The following EIPR1 variants were observed in gnomAD, a reference collection of about 807,000 sequenced individuals.
EIPR1 encodes EARP complex and GARP complex interacting protein 1, also known as EARP and GARP complex-interacting protein 1.
EIPR1 carries 25 observed loss-of-function variants against 48.1 expected under a neutral mutation model. The observed-to-expected ratio is 0.52, with a 90% CI of 0.38 to 0.73. The LOEUF is 0.73. EIPR1 is among the 30% of genes least tolerant of loss of function. EIPR1 has a pLI of 0.00. For synonymous variants in EIPR1, 204 were observed against 201.9 expected, an observed-to-expected ratio of 1.01 and a Z score of -0.09; for missense variants, 415 against 506.2, an observed-to-expected ratio of 0.82 and a Z score of 1.73.
intron 3 of EIPR1, among the ~76,000 whole-genome samples, chr2:3,265,044 GAA>G (rs1667444714): frequency 6.6e-6 from 1 of 152,256 alleles, no homozygotes; most frequent in Non-Finnish European, 1.5e-5. Context: ...TCTAGTGTAT[GAA>G]AAATTTACAT....
At chr2:3,241,062 T>C (rs181768141) in intron 4 of EIPR1, among the ~76,000 whole-genome samples, 2 of 73,062 alleles carry the variant, frequency 2.7e-5, no homozygotes. Flanking sequence ...CAGCAGATCC[T>C]TCCTAAAGAA....
chr2:3,298,091 T>A (rs758033403), intron 3 of EIPR1, among the ~76,000 whole-genome samples: 6 of 152,234 alleles, frequency 3.9e-5, no homozygotes, highest in African/African-American at 7.2e-5. Context: ...CAGTTGGGAC[T>A]CATGGATAAT....
Position 3,347,859 on chromosome 2 carries a change from T to C in EIPR1, c.126+6691A>G, listed in dbSNP as rs561370086. On this transcript the variant is annotated intron_variant, in intron 2 of 8. Coordinates refer to ENST00000382125, the MANE Select transcript of EIPR1 (RefSeq NM_003310.5). ...CAGGCTGGAGCCTCTGGATCAGGCC[T>C]CATCGAAAGGAAGCCAGGCTACCCT... 2.6e-5 allele frequency among the ~76,000 whole-genome samples: 4 copies of C among 152,302 alleles called. No individual in the cohort carries two copies. In the South Asian group the frequency reaches 8.3e-4, roughly 32 times the overall value.
At chr2:3,298,174 G>T (rs1238599071) in intron 3 of EIPR1, among the ~76,000 whole-genome samples, 2 of 152,130 alleles carry the variant, frequency 1.3e-5, no homozygotes, top group Non-Finnish European at 2.9e-5. Flanking sequence ...GCAGAGAAAG[G>T]CTTGAGATTC....
chr2:3,336,954 A>AGAAAAGGGAAAGGAAGG (rs1670078668), intron 3 of EIPR1, among the ~76,000 whole-genome samples: 1 of 113,424 alleles, frequency 8.8e-6, no homozygotes, highest in African/African-American at 3.5e-5. Context: ...GGAAGGGAAG[A>AGAAAAGGGAAAGGAAGG]GAAAAGGGAA....
intron 3 of EIPR1, among the ~76,000 whole-genome samples, chr2:3,294,869 CCT>C (rs1291068196): frequency 7.8e-6 from 1 of 128,074 alleles, no homozygotes; most frequent in South Asian, 2.8e-4. Context: ...ATCCAGCCAA[CCT>C]CTCTCTATAC....
chr2:3,199,925 G>T (rs182076581), intron 5 of EIPR1, among the ~76,000 whole-genome samples: 1 of 103,458 alleles, frequency 9.7e-6, no homozygotes, highest in African/African-American at 3.7e-5. Flanking sequence ...GCACACATGG[G>T]GGGGTGTCCA....
chr2:3,247,272 C>G (rs894113721), intron 4 of EIPR1, among the ~76,000 whole-genome samples: 1 of 152,146 alleles, frequency 6.6e-6, no homozygotes, highest in Non-Finnish European at 1.5e-5. Flanking sequence ...CAAGAATGCG[C>G]CGAGGTTTCC....
At chr2:3,328,319 C>T (rs905123264) in intron 3 of EIPR1, among the ~76,000 whole-genome samples, 1 of 152,226 alleles carries the variant, frequency 6.6e-6, no homozygotes, top group Non-Finnish European at 1.5e-5. Flanking sequence ...ACGTTTAATG[C>T]TCTAGAGGGG....
intron 5 of EIPR1, among the ~76,000 whole-genome samples, chr2:3,211,782 G>A (rs927427426): frequency 2.0e-5 from 3 of 152,166 alleles, no homozygotes; most frequent in Non-Finnish European, 2.9e-5. Flanking sequence ...CTTCCTTCTC[G>A]CTCCGCCACT....
At chr2:3,266,579 C>T (rs1667496664) in intron 3 of EIPR1, among the ~76,000 whole-genome samples, 1 of 152,226 alleles carries the variant, frequency 6.6e-6, no homozygotes, top group South Asian at 2.1e-4. Flanking sequence ...ATCCTCCAGG[C>T]ACTGGTGAGG....
At chr2:3,339,095 T>C (rs1670154343) in intron 2 of EIPR1, among the ~76,000 whole-genome samples, 2 of 152,256 alleles carry the variant, frequency 1.3e-5, no homozygotes, top group East Asian at 1.9e-4. Flanking sequence ...GACTACTCAG[T>C]GGCATGGAAC....
intron 3 of EIPR1, chr2:3,300,863 C>T (rs1428531104): frequency 6.6e-6 from 1 of 152,128 alleles, no homozygotes; most frequent in African/African-American, 2.4e-5. Context: ...CCTGTGAACT[C>T]CGGACAGTGC....
At chr2:3,339,686 C>T (rs1375811386) in intron 2 of EIPR1, among the ~76,000 whole-genome samples, 1 of 151,866 alleles carries the variant, frequency 6.6e-6, no homozygotes. Context: ...CGGTGGCTCA[C>T]GCCTGTAATT....
chr2:3,377,045 C>G lies in EIPR1; in HGVS notation c.42+603G>C, dbSNP rs1659906531. ...TTCATAGTCATTTGTTGAACACCTA[C>G]TATGTGACAGTCATGAAAAGGCACT... is the stretch of plus-strand genomic sequence containing the variant. On this transcript the variant is annotated intron_variant, in intron 1 of 8. Coordinates refer to ENST00000382125, the MANE Select transcript of EIPR1 (RefSeq NM_003310.5). 6.6e-5 allele frequency among the ~76,000 whole-genome samples: 10 copies of G among 152,294 alleles called. 1 individual carries two copies. In the South Asian group the frequency reaches 2.1e-3, roughly 32 times the overall value.
intron 3 of EIPR1, among the ~76,000 whole-genome samples, chr2:3,326,227 A>G (rs1177559840): frequency 1.3e-5 from 2 of 152,226 alleles, no homozygotes; most frequent in Non-Finnish European, 2.9e-5. Flanking sequence ...AAACCTGTTC[A>G]CAGCAGCCTC....
intron 2 of EIPR1, among the ~76,000 whole-genome samples, chr2:3,342,499 C>A (rs1670281992): frequency 6.6e-6 from 1 of 152,270 alleles, no homozygotes; most frequent in Non-Finnish European, 1.5e-5. Flanking sequence ...CTGGGCTCTT[C>A]AGGACAGTGC....
At chr2:3,196,318 G>A (rs778947404) in intron 6 of EIPR1, among the ~76,000 whole-genome samples, 9 of 152,196 alleles carry the variant, frequency 5.9e-5, no homozygotes, top group Non-Finnish European at 1.2e-4. Flanking sequence ...GTGGGCTTCC[G>A]TTGCCACAGC....
chr2:3,271,888 C>T (rs991677694), intron 3 of EIPR1, among the ~76,000 whole-genome samples: 2 of 152,230 alleles, frequency 1.3e-5, no homozygotes, highest in African/African-American at 4.8e-5. Context: ...ATGACTTATA[C>T]TCTTCAAATA....
Sources: allele counts gnomAD v4.1 joint callset (sites outside exome capture counted in the v4.1 genomes callset), GRCh38; gene constraint gnomAD v4.1.1; transcripts MANE v1.5; gene names NCBI Gene and HGNC (gene_info 2026-07-23, HGNC 2026-07-21).